BAIAP2L1: variants seen among roughly 807,000 people sequenced by gnomAD.
The protein encoded by BAIAP2L1 is BAR/IMD domain-containing adapter protein 2-like 1.
Under a neutral mutation model 66.3 loss-of-function variants are expected in BAIAP2L1, and 35 were observed. That is an observed-to-expected ratio of 0.53 (90% CI 0.40 to 0.70). The LOEUF (loss-of-function observed/expected upper bound fraction) is 0.70. BAIAP2L1 is among the 30% of genes least tolerant of loss of function. The probability of loss-of-function intolerance (pLI) is 0.00; values close to 1 mark genes in which losing one functional copy is unlikely to be tolerated. For synonymous variants in BAIAP2L1, 269 were observed against 248.7 expected (o/e 1.08, Z -0.77); for missense variants, 622 against 656.9 (o/e 0.95, Z 0.58).
chr7:98,363,695 CATG>C (rs1584487159), intron 1 of BAIAP2L1, among the ~76,000 whole-genome samples: 1 of 152,154 alleles, frequency 6.6e-6, no homozygotes, highest in East Asian at 1.9e-4. Flanking sequence ...CAATAAGCTT[CATG>C]ATATTAATCA....
At chr7:98,337,235 A>ATTTT (rs60826557) in intron 3 of BAIAP2L1, among the ~76,000 whole-genome samples, 1 of 138,804 alleles carries the variant, frequency 7.2e-6, no homozygotes, top group African/African-American at 2.7e-5. Flanking sequence ...TTCAGATACC[A>ATTTT]TTTTTTTTTT....
chr7:98,326,010 G>A (rs1801374514), intron 3 of BAIAP2L1, among the ~76,000 whole-genome samples: 1 of 152,238 alleles, frequency 6.6e-6, no homozygotes, highest in African/African-American at 2.4e-5. Context: ...GCAGCGGGGT[G>A]CAATGGCTCA....
At chr7:98,311,556 A>G (rs145014567) in intron 8 of BAIAP2L1, among the ~76,000 whole-genome samples, 1 of 147,394 alleles carries the variant, frequency 6.8e-6, no homozygotes, top group African/African-American at 2.5e-5. Flanking sequence ...CAAAAAAAAT[A>G]AAAAAAAAAC....
At chr7:98,308,623 A>T in intron 9 of BAIAP2L1, 1 of 231,782 alleles carries the variant, frequency 4.3e-6, no homozygotes. Context: ...CTCCATTCAA[A>T]CACAGGCTGA....
intron 1 of BAIAP2L1, chr7:98,386,692 GGTT>G: frequency 4.8e-5 from 13 of 270,512 alleles, no homozygotes; most frequent in South Asian, 7.6e-5. Context: ...ACTTTCCAAA[GGTT>G]TTTTTTTTTT....
At chr7:98,310,743 G>A (rs1445287306) in intron 8 of BAIAP2L1, 151 bp from the exon 9 acceptor site, 2 of 605,402 alleles carry the variant, frequency 3.3e-6, no homozygotes, top group Non-Finnish European at 5.1e-6. Flanking sequence ...CTGGAGTACA[G>A]TGGCACGATC....
intron 12 of BAIAP2L1, among the ~76,000 whole-genome samples, chr7:98,302,689 G>A (rs1319699637): frequency 6.6e-6 from 1 of 152,232 alleles, no homozygotes; most frequent in African/African-American, 2.4e-5. Context: ...ACAAGAGGCA[G>A]AGGGGGGACC....
At chr7:98,320,393 A>G in intron 3 of BAIAP2L1, 95 bp from the exon 4 acceptor site, 1 of 949,334 alleles carries the variant, frequency 1.1e-6, no homozygotes, top group Non-Finnish European at 1.6e-6. Context: ...TGGAGTGCAA[A>G]GGCACGATCT....
intron 1 of BAIAP2L1, among the ~76,000 whole-genome samples, chr7:98,377,710 C>T (rs928364520): frequency 5.4e-5 from 8 of 148,278 alleles, no homozygotes; most frequent in African/African-American, 2.0e-4. Context: ...CCCAGCTACT[C>T]AGGAGGCTGA....
At position 98,371,887 on chromosome 7, in the gene BAIAP2L1, C is replaced by T. The variant is rs576412566; in HGVS notation, c.52-9455G>A. ...TCGGCTCACTGCAAGCTCCGCCTCC[C>T]GGGTTCACACCGTTCTCCTGCCTCA... On this transcript the variant is annotated intron_variant, in intron 1 of 13. Transcript: ENST00000005260. 2.0e-5 allele frequency among the ~76,000 whole-genome samples: 3 copies of T among 151,788 alleles called. No homozygotes were observed. In the East Asian group the frequency reaches 5.9e-4, roughly 30 times the overall value.
At chr7:98,386,286 A>G in intron 1 of BAIAP2L1, 2 of 1,596,592 alleles carry the variant, frequency 1.3e-6, no homozygotes, top group Non-Finnish European at 1.7e-6. Flanking sequence ...GATCCATGCC[A>G]TGGAAGTTAG....
At chr7:98,323,152 G>C (rs1162220007) in intron 3 of BAIAP2L1, 1 of 152,206 alleles carries the variant, frequency 6.6e-6, no homozygotes, top group African/African-American at 2.4e-5. Context: ...CTTCCAGAAC[G>C]GGGCATGAGA....
intron 1 of BAIAP2L1, among the ~76,000 whole-genome samples, chr7:98,394,862 A>T (rs1248781051): frequency 6.6e-6 from 1 of 152,212 alleles, no homozygotes; most frequent in African/African-American, 2.4e-5. Context: ...CTGCAATCCC[A>T]GCACTTTGGG....
rs150903646 is a variant in BAIAP2L1, at chr7:98,293,543, C to T, written c.1514G>A (p.Arg505His). The T allele has an allele frequency of 1.5e-5, 24 of 1,613,548 alleles. No individual in the cohort carries two copies. Among genetic ancestry groups the T allele is most frequent in the Admixed American group, 6.7e-5 (4 of 59,990 alleles). ...CTCTCATCGAATGATGGGTGCCGAG[C>T]GATCATTCGTCACAGTCGGGCGGAG... Reference protein sequence around the residue: ...VKLRPTVTNDRSAPIIR With the variant: ...VKLRPTVTNDHSAPIIR The change falls in exon 14 of 14, where the codon CGC (arginine) becomes CAC (histidine). Residue 505 changes from arginine to histidine, a missense_variant. Physicochemically the swap from Arg to His is conservative, Grantham distance 29. Transcript: ENST00000005260.
intron 2 of BAIAP2L1, among the ~76,000 whole-genome samples, chr7:98,360,259 T>C (rs563248187): frequency 1.3e-5 from 2 of 151,392 alleles, no homozygotes; most frequent in Admixed American, 6.6e-5. Context: ...AGTGACGGGG[T>C]CTCGAATTCC....
chr7:98,366,627 T>C (rs1156625673), intron 1 of BAIAP2L1, among the ~76,000 whole-genome samples: 7 of 152,340 alleles, frequency 4.6e-5, no homozygotes, highest in East Asian at 3.9e-4. Flanking sequence ...TTTGCCATCA[T>C]TTTAATGGGT....
intron 3 of BAIAP2L1, among the ~76,000 whole-genome samples, chr7:98,354,836 A>T (rs1802082887): frequency 6.6e-6 from 1 of 152,328 alleles, no homozygotes; most frequent in South Asian, 2.1e-4. Context: ...GAGGCTGGCC[A>T]GAAAACAAGG....
chr7:98,314,196 T>C (rs1358966703), intron 7 of BAIAP2L1, among the ~76,000 whole-genome samples: 1 of 152,064 alleles, frequency 6.6e-6, no homozygotes, highest in Non-Finnish European at 1.5e-5. Flanking sequence ...TTGGCCAGGC[T>C]GGTCTCAAAC....
chr7:98,344,620 T>G (rs921196557), intron 3 of BAIAP2L1, among the ~76,000 whole-genome samples: 1 of 152,124 alleles, frequency 6.6e-6, no homozygotes, highest in Non-Finnish European at 1.5e-5. Flanking sequence ...ATTTTGCATA[T>G]GTATATTAAA....
Sources: gnomAD v4.1 joint callset for allele counts (sites outside exome capture counted in the v4.1 genomes callset) on GRCh38, gnomAD v4.1.1 for gene constraint, MANE v1.5 for transcripts, NCBI Gene and HGNC (gene_info 2026-07-23, HGNC 2026-07-21) for gene names.